CDC16: variants seen among roughly 807,000 people sequenced by gnomAD.
CDC16 encodes cell division cycle 16.
A neutral mutation model predicts 87.0 loss-of-function variants in CDC16; 34 were observed. The ratio of observed to expected loss-of-function variants is 0.39; its 90% CI spans 0.30 to 0.52. The LOEUF (loss-of-function observed/expected upper bound fraction) is 0.52, where lower values mean the gene tolerates loss of function less well. Among genes scored for constraint, CDC16 ranks in the 20% least tolerant of loss-of-function variants. The pLI is 0.74. For synonymous variants in CDC16, 263 were observed against 260.6 expected, an observed-to-expected ratio of 1.01 and a Z score of -0.09; for missense variants, 653 against 751.9, an observed-to-expected ratio of 0.87 and a Z score of 1.54.
chr13:114,270,104 A>G (rs2083514271), intron 17 of CDC16, among the ~76,000 whole-genome samples: 2 of 152,234 alleles, frequency 1.3e-5, no homozygotes, highest in African/African-American at 4.8e-5. Context: ...CTGTAAAGAA[A>G]TACCTGAGCC....
intron 13 of CDC16, among the ~76,000 whole-genome samples, chr13:114,258,738 C>T (rs888961413): frequency 6.6e-6 from 1 of 152,126 alleles, no homozygotes; most frequent in East Asian, 1.9e-4. Flanking sequence ...AGGAATCTAA[C>T]TGTATTTCCC....
intron 16 of CDC16, among the ~76,000 whole-genome samples, chr13:114,264,663 G>A (rs1483433985): frequency 6.6e-6 from 1 of 152,086 alleles, no homozygotes. Context: ...CTAGGCTAGA[G>A]TGCAGTGGTA....
chr13:114,253,688 C>CAAA (rs373996893), intron 12 of CDC16, among the ~76,000 whole-genome samples: 2 of 116,202 alleles, frequency 1.7e-5, no homozygotes, highest in Admixed American at 1.9e-4. Context: ...GACTCCATCT[C>CAAA]AAAAAAAAAA....
chr13:114,244,376 G>T (rs1333163860), intron 8 of CDC16: 1 of 165,186 alleles, frequency 6.1e-6, no homozygotes, highest in Non-Finnish European at 1.3e-5. Context: ...CAGTTTTCCA[G>T]TGTACCTAAT....
chr13:114,245,635 A>G (rs536509191), intron 9 of CDC16: 1 of 184,392 alleles, frequency 5.4e-6, no homozygotes, highest in East Asian at 1.6e-4. Context: ...AAGATTAAAT[A>G]GTATCATTGA....
chr13:114,238,754 C>T (rs1328492217), intron 3 of CDC16, among the ~76,000 whole-genome samples: 1 of 152,208 alleles, frequency 6.6e-6, no homozygotes, highest in Non-Finnish European at 1.5e-5. Context: ...GTGCTTAGTT[C>T]ACATCTCCCC....
rs2274638 is a variant in CDC16 at position 114,272,138 on chromosome 13, G to T, written c.1604-46G>T. The T allele has an allele frequency of 6.6e-5, 72 of 1,083,060 alleles. No individual in the cohort carries two copies. In the East Asian group the frequency reaches 1.8e-3, roughly 27 times the overall value. The allele number at this position is 1,083,060 out of a possible 1,614,324, so 67.1% of individuals were successfully genotyped here. Reference sequence around the variant, plus strand: ...TGTTATATAACAATAGAAATGATAAGTGATGGAATTTCTTATTTTATTCTA... The same window carrying T: ...TGTTATATAACAATAGAAATGATAATTGATGGAATTTCTTATTTTATTCTA... On this transcript the variant is annotated intron_variant, in intron 17 of 17. Coordinates refer to ENST00000356221, the MANE Select transcript of CDC16 (RefSeq NM_001078645.3).
rs527257576 is a variant in CDC16, at chr13:114,247,706, T to A, written c.971+702T>A. On this transcript the variant is annotated intron_variant, in intron 11 of 17. Transcript: ENST00000356221. ...CAGCCTGACTAACATGGTGAAACTC[T>A]GTCTACTAAAAATACAAAAAATTAG... is the stretch of plus-strand genomic sequence containing the variant. Among the ~76,000 whole-genome samples the A allele has an allele frequency of 2.6e-5, 4 of 152,210 alleles. No individual in the cohort carries two copies. The East Asian group carries it at 7.7e-4, about 29-fold the overall frequency.
In CDC16 at chr13:114,250,755, A is replaced by G. The variant is rs1284521657; in HGVS notation, c.1097+81A>G. On this transcript the variant is annotated intron_variant, in intron 12 of 17. Transcript: ENST00000356221. ...TGAAATTTCTATTACTATTACTGCT[A>G]TTTGGTTGCTAAACTAAACACAAAC... 2.9e-6 allele frequency: 4 copies of G among 1,366,040 alleles called. No homozygotes were observed. In the East Asian group the frequency reaches 9.8e-5, roughly 34 times the overall value. 84.6% of individuals were successfully genotyped at this position (1,366,040 alleles called of 1,614,324 possible).
In CDC16 at chr13:114,246,069, G is replaced by T. The variant is rs757531635; in HGVS notation, c.897+20G>T. The stretch of plus-strand genomic sequence containing the variant: ...AATCCTGTAAGTAATATAACTTTTA[G>T]TCTTAGTTTTTTTTTTTTTACCTGT... On this transcript the variant is annotated intron_variant, in intron 10 of 17. Transcript: ENST00000356221. 2.7e-5 allele frequency: 33 copies of T among 1,207,464 alleles called. No homozygotes were observed. The highest frequency in any genetic ancestry group is 2.8e-5 in the Non-Finnish European group (24 of 857,866). The allele number at this position is 1,207,464 out of a possible 1,614,324, so 74.8% of individuals were successfully genotyped here. A position where few individuals can be genotyped will look rare whatever the true frequency, so the allele number is the denominator to read the frequency against.
intron 16 of CDC16, chr13:114,264,848 T>A (rs1246225052): frequency 4.4e-6 from 1 of 226,072 alleles, no homozygotes; most frequent in African/African-American, 2.3e-5. Flanking sequence ...GCCCAGGTGA[T>A]CCACCCGTCT....
At chr13:114,252,061 A>G (rs12560800) in intron 12 of CDC16, among the ~76,000 whole-genome samples, 5,577 of 93,492 alleles carry the variant, frequency 0.06, 444 homozygotes, top group East Asian at 0.29. Context: ...CACTAACCCT[A>G]TTGGATAAGA....
At chr13:114,237,080 C>T (rs1238674919) in intron 3 of CDC16, among the ~76,000 whole-genome samples, 184 bp downstream of exon 3, 1 of 151,986 alleles carries the variant, frequency 6.6e-6, no homozygotes, top group African/African-American at 2.4e-5. Context: ...CAAAAATTAG[C>T]CGGACGTGGT....
chr13:114,258,183 A>G (rs919469704), intron 13 of CDC16, among the ~76,000 whole-genome samples: 1 of 152,220 alleles, frequency 6.6e-6, no homozygotes, highest in African/African-American at 2.4e-5. Context: ...AAGCTTTAAA[A>G]TAAATAGTAA....
At chr13:114,259,270 A>G in intron 13 of CDC16, 65 bp from the exon 14 acceptor site, 3 of 1,190,296 alleles carry the variant, frequency 2.5e-6, no homozygotes, top group Non-Finnish European at 3.5e-6. Context: ...GGTAATCAAA[A>G]ATTTTTTTAA....
chr13:114,259,434 CA>C lies in CDC16; in HGVS notation c.1314+37del, dbSNP rs770159419. Reference sequence around the variant, plus strand: ...TAGTACCTGTAAATATACACATATACACCCCTGAGTGTTTACTGTTAAATGA... The same window carrying C: ...TAGTACCTGTAAATATACACATATACCCCCTGAGTGTTTACTGTTAAATGA... On this transcript the variant is annotated intron_variant, in intron 14 of 17. Transcript: ENST00000356221. 16 of 1,196,594 alleles carry C rather than the reference CA, an allele frequency of 1.3e-5. No individual in the cohort carries two copies. The African/African-American group carries it at 2.6e-4, about 19-fold the overall frequency. The allele number at this position is 1,196,594 out of a possible 1,614,324, so 74.1% of individuals were successfully genotyped here.
intron 3 of CDC16, among the ~76,000 whole-genome samples, chr13:114,237,475 A>G (rs947716196): frequency 6.6e-6 from 1 of 152,012 alleles, no homozygotes; most frequent in African/African-American, 2.4e-5. Flanking sequence ...TTTTTTTGGT[A>G]GAGACAGAGC....
intron 17 of CDC16, among the ~76,000 whole-genome samples, chr13:114,266,662 C>A (rs1217314185): frequency 6.6e-6 from 1 of 152,098 alleles, no homozygotes; most frequent in African/African-American, 2.4e-5. Flanking sequence ...TGGGTTCTAA[C>A]CCTATATATC....
Position 114,242,407 on chromosome 13 carries a change from T to TA in CDC16, c.541+129dup, listed in dbSNP as rs1459357780. 6.2e-6 allele frequency: 5 copies of TA among 809,746 alleles called. No homozygotes were observed. The African/African-American group carries it at 6.9e-5, about 11-fold the overall frequency. 50.2% of individuals were successfully genotyped at this position (809,746 alleles called of 1,614,324 possible). On this transcript the variant is annotated intron_variant, in intron 6 of 17. Transcript: ENST00000356221. ...GTTTAAATAGACCTACTCACTTTCT[T>TA]AATGTCTTCAAATGTAAAGCACGTT...
Sources: allele counts gnomAD v4.1 joint callset (sites outside exome capture counted in the v4.1 genomes callset), GRCh38; gene constraint gnomAD v4.1.1; transcripts MANE v1.5; gene names NCBI Gene and HGNC (gene_info 2026-07-23, HGNC 2026-07-21).